DYRK1A: variants seen among roughly 807,000 people sequenced by gnomAD.
DYRK1A encodes the protein dual specificity tyrosine-phosphorylation-regulated kinase 1A.
Under a neutral mutation model 79.7 loss-of-function variants are expected in DYRK1A, and 9 were observed. That is an observed-to-expected ratio of 0.11 (90% CI 0.07 to 0.20). The LOEUF is 0.20. Among genes scored for constraint, DYRK1A ranks in the 10% least tolerant of loss-of-function variants. DYRK1A has a pLI of 1.00. For missense variants in DYRK1A, 622 were observed against 956.0 expected, an observed-to-expected ratio of 0.65 and a Z score of 4.61; for synonymous variants, 349 against 329.7, an observed-to-expected ratio of 1.06 and a Z score of -0.63.
intron 6 of DYRK1A, among the ~76,000 whole-genome samples, chr21:37,489,687 C>T (rs2053010088): frequency 6.6e-6 from 1 of 150,994 alleles, no homozygotes; most frequent in Non-Finnish European, 1.5e-5. Context: ...CCAGTGAAAT[C>T]TAAAGTTCAG....
chr21:37,386,537 C>T (rs1161005835), intron 1 of DYRK1A, among the ~76,000 whole-genome samples: 2 of 152,188 alleles, frequency 1.3e-5, no homozygotes, highest in African/African-American at 4.8e-5. Flanking sequence ...AAGCTCTGCC[C>T]TATAGGTAAT....
At chr21:37,397,132 G>C (rs563081231) in intron 1 of DYRK1A, among the ~76,000 whole-genome samples, 3 of 152,238 alleles carry the variant, frequency 2.0e-5, no homozygotes, top group Admixed American at 2.0e-4. Flanking sequence ...CTTTCCATGC[G>C]AACTTAGCCA....
intron 5 of DYRK1A, among the ~76,000 whole-genome samples, chr21:37,482,310 G>A (rs763798535): frequency 2.0e-5 from 3 of 151,912 alleles, no homozygotes; most frequent in Non-Finnish European, 2.9e-5. Context: ...CCTAAGCGTC[G>A]GCCGGTTTGA....
chr21:37,521,811 G>C lies in DYRK1A; in HGVS notation c.*9280G>C, dbSNP rs2053936826. 6.6e-6 allele frequency: 1 copy of C among 152,304 alleles called. No individual in the cohort carries two copies. Among genetic ancestry groups the C allele is most frequent in the South Asian group, 2.1e-4 (1 of 4,832 alleles). 9.4% of individuals were successfully genotyped at this position (152,304 alleles called of 1,614,324 possible). On this transcript the variant is annotated 3_prime_UTR_variant, in exon 12 of 12. Transcript: ENST00000647188. ...AGCTATTTAGGAAGGAGAGCTGACAGACCTCGGGGACTGAATGGATGCTGG... is the reference window on the plus strand; with the variant it reads ...AGCTATTTAGGAAGGAGAGCTGACACACCTCGGGGACTGAATGGATGCTGG...
At chr21:37,511,769 C>A in intron 11 of DYRK1A, 142 bp from the exon 12 acceptor site, 1 of 985,320 alleles carries the variant, frequency 1.0e-6, no homozygotes, top group Non-Finnish European at 1.5e-6. Context: ...TGTTATAAAA[C>A]TGTCTTAACA....
chr21:37,510,553 G>T (rs2053719491), intron 11 of DYRK1A, among the ~76,000 whole-genome samples: 1 of 152,192 alleles, frequency 6.6e-6, no homozygotes, highest in Non-Finnish European at 1.5e-5. Context: ...CTGTTTGTTG[G>T]ATAGGATGTA....
intron 2 of DYRK1A, among the ~76,000 whole-genome samples, chr21:37,434,166 A>G (rs2050856843): frequency 6.6e-6 from 1 of 152,190 alleles, no homozygotes; most frequent in African/African-American, 2.4e-5. Context: ...TTCTCTTGGA[A>G]TCTGATGCTT....
intron 5 of DYRK1A, among the ~76,000 whole-genome samples, chr21:37,483,637 C>T (rs563501699): frequency 8.9e-4 from 136 of 152,116 alleles, no homozygotes; most frequent in African/African-American, 2.4e-3. Flanking sequence ...GGCAGGAGTG[C>T]AGTGGAGTAG....
chr21:37,490,549 A>C, intron 7 of DYRK1A, 88 bp downstream of exon 7: 1 of 1,075,708 alleles, frequency 9.3e-7, no homozygotes, highest in Non-Finnish European at 1.2e-6. Flanking sequence ...CGCAAAAGTA[A>C]TTGCGGTTTT....
At chr21:37,381,517 A>C (rs2148370831) in intron 1 of DYRK1A, among the ~76,000 whole-genome samples, 1 of 152,214 alleles carries the variant, frequency 6.6e-6, no homozygotes. Context: ...AGTTGTGGAG[A>C]GGGATCAGCC....
chr21:37,479,894 T>G (rs2052573930), intron 4 of DYRK1A, among the ~76,000 whole-genome samples: 4 of 152,032 alleles, frequency 2.6e-5, no homozygotes, highest in Admixed American at 6.6e-5. Context: ...CCCAAAGTGC[T>G]GGGATTACAG....
chr21:37,377,820 G>C (rs574515023), intron 1 of DYRK1A, among the ~76,000 whole-genome samples: 2 of 152,184 alleles, frequency 1.3e-5, no homozygotes, highest in Non-Finnish European at 2.9e-5. Context: ...TAGTCAGACT[G>C]CATTAAAGGA....
chr21:37,396,137 G>A (rs73216425), intron 1 of DYRK1A, among the ~76,000 whole-genome samples: 2,929 of 152,262 alleles, frequency 0.019, 30 homozygotes, highest in Non-Finnish European at 0.026. Context: ...CTAGGAAGGA[G>A]AAGGGGTATA....
chr21:37,516,915 T>G lies in DYRK1A; in HGVS notation c.*4384T>G, dbSNP rs1404879474. 6.6e-6 allele frequency: 1 copy of G among 152,174 alleles called. No homozygotes were observed. The highest frequency in any genetic ancestry group is 1.5e-5 in the Non-Finnish European group (1 of 68,038). The allele number at this position is 152,174 out of a possible 1,614,324, so 9.4% of individuals were successfully genotyped here. A position where few individuals can be genotyped will look rare whatever the true frequency, so the allele number is the denominator to read the frequency against. On this transcript the variant is annotated 3_prime_UTR_variant, in exon 12 of 12. Coordinates refer to ENST00000647188, the MANE Select transcript of DYRK1A (RefSeq NM_001347721.2). ...TGAAACACAACTAGAATGCTACAGG[T>G]CTCTCTTCCAGTATGCAGCTGCTGT... is the stretch of plus-strand genomic sequence containing the variant.
intron 2 of DYRK1A, among the ~76,000 whole-genome samples, chr21:37,432,735 C>T (rs1009355419): frequency 2.0e-4 from 31 of 151,960 alleles, no homozygotes; most frequent in Non-Finnish European, 2.9e-5. Flanking sequence ...TTCCGTGTCT[C>T]AAGCATCATT....
chr21:37,461,559 G>A (rs1035937554), intron 2 of DYRK1A, among the ~76,000 whole-genome samples: 2 of 152,138 alleles, frequency 1.3e-5, no homozygotes, highest in African/African-American at 4.8e-5. Context: ...TTTTTTGAGG[G>A]CGGATCTACT....
intron 1 of DYRK1A, among the ~76,000 whole-genome samples, chr21:37,384,238 G>T (rs2049715697): frequency 6.6e-6 from 1 of 152,138 alleles, no homozygotes; most frequent in Non-Finnish European, 1.5e-5. Flanking sequence ...TACTGAGAAA[G>T]AGTTCTTATA....
At position 37,505,328 on chromosome 21, in the gene DYRK1A, G is replaced by A; in HGVS notation, c.1258G>A (p.Val420Met). The change falls in exon 10 of 12, where the codon GTG becomes ATG. Residue 420 changes from valine to methionine, a missense_variant. Val to Met is a conservative substitution (Grantham distance 21). Coordinates refer to ENST00000647188, the MANE Select transcript of DYRK1A (RefSeq NM_001347721.2). ...CCGTAAACTTCATAACATTCTTGGA[G>A]TGGAAACAGGAGGACCTGGTGGGCG... ...GTRKLHNILG[V>M]ETGGPGGRRA... The A allele has an allele frequency of 6.2e-7, 1 of 1,614,164 alleles. No individual in the cohort carries two copies. Among genetic ancestry groups the A allele is most frequent in the Non-Finnish European group, 8.5e-7 (1 of 1,180,024 alleles).
intron 9 of DYRK1A, among the ~76,000 whole-genome samples, chr21:37,499,539 C>G (rs1274457519): frequency 6.6e-6 from 1 of 152,142 alleles, no homozygotes; most frequent in African/African-American, 2.4e-5. Flanking sequence ...AATATTAAGT[C>G]TTCCACTCTG....
Sources: allele counts gnomAD v4.1 joint callset (sites outside exome capture counted in the v4.1 genomes callset), GRCh38; gene constraint gnomAD v4.1.1; transcripts MANE v1.5; gene names NCBI Gene and HGNC (gene_info 2026-07-23, HGNC 2026-07-21).